The following TOX2 variants were observed in gnomAD, a reference collection of about 807,000 sequenced individuals.
TOX2 encodes TOX high mobility group box family member 2, also known as granulosa cell HMG box 1.
In TOX2, 15 loss-of-function variants were observed where a neutral mutation model predicts 47.4. That is an observed-to-expected ratio of 0.32 (90% CI 0.21 to 0.49). The LOEUF (loss-of-function observed/expected upper bound fraction) is 0.49. Ranked by LOEUF, TOX2 falls within the 20% of genes least tolerant of loss-of-function variation. TOX2 has a pLI of 0.99. For missense variants in TOX2, 622 were observed against 673.1 expected (o/e 0.92, Z 0.84); for synonymous variants, 290 against 296.6 (o/e 0.98, Z 0.23).
intron 1 of TOX2, among the ~76,000 whole-genome samples, chr20:43,944,359 G>A (rs2069438872): frequency 6.6e-6 from 1 of 152,194 alleles, no homozygotes. Flanking sequence ...AGTAACTCAG[G>A]TGCAGGTGAG....
intron 1 of TOX2, among the ~76,000 whole-genome samples, chr20:43,942,712 G>T (rs1263968133): frequency 6.6e-6 from 1 of 151,802 alleles, no homozygotes; most frequent in Non-Finnish European, 1.5e-5. Context: ...AGAGAAAAAA[G>T]AAAAGAAAAA....
At chr20:43,964,041 A>C (rs2069807267) in intron 1 of TOX2, among the ~76,000 whole-genome samples, 1 of 152,144 alleles carries the variant, frequency 6.6e-6, no homozygotes, top group African/African-American at 2.4e-5. Flanking sequence ...ATTTAATCCA[A>C]ATGATAGTCA....
At chr20:44,018,753 C>T (rs1302393725) in intron 3 of TOX2, among the ~76,000 whole-genome samples, 1 of 152,136 alleles carries the variant, frequency 6.6e-6, no homozygotes, top group African/African-American at 2.4e-5. Context: ...TGTCGGGGGA[C>T]TATGGAAGAC....
At chr20:44,004,586 G>C (rs2145594602) in intron 2 of TOX2, among the ~76,000 whole-genome samples, 1 of 152,306 alleles carries the variant, frequency 6.6e-6, no homozygotes, top group South Asian at 2.1e-4. Context: ...TACCCTCTCA[G>C]TCTGTTCTAC....
At chr20:44,039,904 G>C (rs1046817433) in intron 3 of TOX2, among the ~76,000 whole-genome samples, 1 of 152,180 alleles carries the variant, frequency 6.6e-6, no homozygotes, top group Non-Finnish European at 1.5e-5. Flanking sequence ...GAGGGAAGCT[G>C]TCCGCATGCA....
chr20:44,067,245 G>C (rs932509930), intron 8 of TOX2, among the ~76,000 whole-genome samples: 3 of 152,252 alleles, frequency 2.0e-5, no homozygotes, highest in Admixed American at 1.3e-4. Flanking sequence ...GCAGGAGAAG[G>C]GGGTGAGGGA....
intron 2 of TOX2, among the ~76,000 whole-genome samples, chr20:43,976,941 A>G (rs187741177): frequency 1.1e-3 from 170 of 152,364 alleles, no homozygotes; most frequent in African/African-American, 4.0e-3. Flanking sequence ...TAGAGGATTC[A>G]GAGGATAAAC....
chr20:43,996,328 G>A (rs995553214), intron 2 of TOX2, among the ~76,000 whole-genome samples: 3 of 152,122 alleles, frequency 2.0e-5, no homozygotes, highest in Admixed American at 2.0e-4. Flanking sequence ...AAGATGGTAG[G>A]GCGACCATAT....
chr20:43,980,495 T>C (rs528089101), intron 2 of TOX2, among the ~76,000 whole-genome samples: 1 of 152,326 alleles, frequency 6.6e-6, no homozygotes, highest in South Asian at 2.1e-4. Flanking sequence ...TTAAAATAAC[T>C]GAAAGAGTAT....
At chr20:44,014,291 G>C (rs1027918711) in intron 3 of TOX2, among the ~76,000 whole-genome samples, 1 of 152,138 alleles carries the variant, frequency 6.6e-6, no homozygotes, top group African/African-American at 2.4e-5. Context: ...ATTTGCCCTA[G>C]CCCATTGGCC....
chr20:43,927,676 T>C lies in TOX2; in HGVS notation c.99+12686T>C, dbSNP rs868113159. ...TTCCCTTCCCCTTCCTTCCTTCCTTTCTTCCTTCCTTCCCTTCCCCTTCCT... is the reference window on the plus strand; with the variant it reads ...TTCCCTTCCCCTTCCTTCCTTCCTTCCTTCCTTCCTTCCCTTCCCCTTCCT... On this transcript the variant is annotated intron_variant, in intron 1 of 8. Coordinates refer to ENST00000341197, the MANE Select transcript of TOX2 (RefSeq NM_001098797.2). 9.7e-3 allele frequency among the ~76,000 whole-genome samples: 900 copies of C among 93,214 alleles called. 31 individuals are homozygous for C. Among genetic ancestry groups the C allele is most frequent in the Middle Eastern group, 0.073 (14 of 192 alleles). The allele number at this position is 93,214 out of a possible 152,430, so 61.2% of individuals were successfully genotyped here. A position where few individuals can be genotyped will look rare whatever the true frequency, so the allele number is the denominator to read the frequency against.
In TOX2 at chr20:44,064,638, G is replaced by A. The variant is rs149906801; in HGVS notation, c.880-139G>A. The A allele has an allele frequency of 2.5e-5, 19 of 756,788 alleles. No homozygotes were observed. The African/African-American group carries it at 2.8e-4, about 11-fold the overall frequency. 46.9% of individuals were successfully genotyped at this position (756,788 alleles called of 1,614,324 possible). ...GCAGCGCTCCCAGAAAGGGGCCAGT[G>A]GCTGGCTGACTCAGCTTCTGACCCC... is the stretch of plus-strand genomic sequence containing the variant. On this transcript the variant is annotated intron_variant, in intron 5 of 8. Coordinates refer to ENST00000341197, the MANE Select transcript of TOX2 (RefSeq NM_001098797.2).
At position 44,039,159 on chromosome 20, in the gene TOX2, G is replaced by T. The variant is rs1400369964; in HGVS notation, c.412-12147G>T. ...CAACGTGTGGAGAGCTCTGCCAGAG[G>T]CTTGGAAAGAGGGTGAGGCCAGAGG... On this transcript the variant is annotated intron_variant, in intron 3 of 8. Transcript: ENST00000341197. The T allele has an allele frequency of 8.7e-6, 11 of 1,265,358 alleles. No homozygotes were observed. In the South Asian group the frequency reaches 1.2e-4, roughly 14 times the overall value. The allele number at this position is 1,265,358 out of a possible 1,614,324, so 78.4% of individuals were successfully genotyped here.
chr20:44,054,537 C>T lies in TOX2; in HGVS notation c.879+11C>T, dbSNP rs1600792291. On this transcript the variant is annotated intron_variant, in intron 5 of 8. Coordinates refer to ENST00000341197, the MANE Select transcript of TOX2 (RefSeq NM_001098797.2). ...GAGGAACAGAAGCAGGTGAGCCTCC[C>T]TCTCTTTCTGGGCCATCCCCTGAGG... is the stretch of plus-strand genomic sequence containing the variant. 6.2e-7 allele frequency: 1 copy of T among 1,611,322 alleles called. No homozygotes were observed. Among genetic ancestry groups the T allele is most frequent in the African/African-American group, 1.3e-5 (1 of 74,926 alleles).
At chr20:44,058,658 C>T (rs893998050) in intron 5 of TOX2, among the ~76,000 whole-genome samples, 1 of 152,254 alleles carries the variant, frequency 6.6e-6, no homozygotes, top group Non-Finnish European at 1.5e-5. Flanking sequence ...TCCCCTGCTA[C>T]TTCCACTGGA....
intron 2 of TOX2, among the ~76,000 whole-genome samples, chr20:44,001,163 A>G (rs530636122): frequency 6.6e-6 from 1 of 152,320 alleles, no homozygotes; most frequent in East Asian, 1.9e-4. Context: ...GGTAGAGAGA[A>G]AATTAGGCAC....
At chr20:43,977,261 C>T (rs746707452) in intron 2 of TOX2, among the ~76,000 whole-genome samples, 6 of 152,148 alleles carry the variant, frequency 3.9e-5, no homozygotes, top group Non-Finnish European at 7.3e-5. Context: ...TGCCACCACA[C>T]CCAGCTGATT....
chr20:44,001,373 G>A (rs1009638492), intron 2 of TOX2, among the ~76,000 whole-genome samples: 2 of 152,182 alleles, frequency 1.3e-5, no homozygotes, highest in Non-Finnish European at 2.9e-5. Flanking sequence ...GGACATGCTG[G>A]GCTCAGTGCC....
intron 1 of TOX2, among the ~76,000 whole-genome samples, chr20:43,970,715 G>A (rs892073535): frequency 1.2e-4 from 18 of 152,318 alleles, no homozygotes; most frequent in South Asian, 8.3e-4. Context: ...TGCTGAGAGC[G>A]CCCCCACCCT....
Sources: gnomAD v4.1 joint callset for allele counts (sites outside exome capture counted in the v4.1 genomes callset) on GRCh38, gnomAD v4.1.1 for gene constraint, MANE v1.5 for transcripts, NCBI Gene and HGNC (gene_info 2026-07-23, HGNC 2026-07-21) for gene names.